Variants in GPC6 observed in about 807,000 individuals in gnomAD.
GPC6 encodes the protein glypican-6.
In GPC6, 14 loss-of-function variants were observed where a neutral mutation model predicts 55.2. The ratio of observed to expected loss-of-function variants is 0.25; its 90% CI spans 0.17 to 0.40. GPC6 has a LOEUF of 0.40. Ranked by LOEUF, GPC6 falls within the 10% of genes least tolerant of loss-of-function variation. The pLI is 1.00. For missense variants in GPC6, 641 were observed against 708.5 expected, an observed-to-expected ratio of 0.90 and a Z score of 1.08; for synonymous variants, 278 against 259.6, an observed-to-expected ratio of 1.07 and a Z score of -0.68.
intron 6 of GPC6, among the ~76,000 whole-genome samples, chr13:94,333,555 A>C (rs1877532994): frequency 6.6e-6 from 1 of 152,234 alleles, no homozygotes; most frequent in South Asian, 2.1e-4. Context: ...TTTCCTGAGA[A>C]CTTATGGCCA....
intron 1 of GPC6, among the ~76,000 whole-genome samples, chr13:93,291,831 G>T (rs1182046491): frequency 4.6e-5 from 7 of 152,070 alleles, no homozygotes; most frequent in African/African-American, 1.7e-4. Flanking sequence ...CATCCAGAGA[G>T]ATTTTAACTT....
intron 2 of GPC6, among the ~76,000 whole-genome samples, chr13:93,575,278 G>C (rs1189734078): frequency 6.6e-6 from 1 of 152,032 alleles, no homozygotes; most frequent in African/African-American, 2.4e-5. Context: ...GGTATAGAAC[G>C]ATACTCTGTC....
intron 4 of GPC6, among the ~76,000 whole-genome samples, chr13:94,251,476 A>AC (rs397954452): frequency 2.6e-5 from 4 of 151,176 alleles, no homozygotes; most frequent in African/African-American, 9.7e-5. Flanking sequence ...AAAAAAAAAA[A>AC]CACGGACTGG....
At chr13:94,262,319 G>T (rs972199105) in intron 4 of GPC6, among the ~76,000 whole-genome samples, 1 of 152,172 alleles carries the variant, frequency 6.6e-6, no homozygotes, top group Admixed American at 6.5e-5. Flanking sequence ...ACCTAGTTCA[G>T]TCAGAGCAAG....
chr13:94,281,724 C>T (rs1228387097), intron 4 of GPC6, among the ~76,000 whole-genome samples: 1 of 152,180 alleles, frequency 6.6e-6, no homozygotes. Context: ...AGACTTCACT[C>T]TTCATAAAGT....
chr13:94,161,137 C>G (rs567125805), intron 4 of GPC6, among the ~76,000 whole-genome samples: 1 of 152,278 alleles, frequency 6.6e-6, no homozygotes, highest in East Asian at 1.9e-4. Context: ...TGCAAATATT[C>G]TCACCTCTAC....
intron 2 of GPC6, among the ~76,000 whole-genome samples, chr13:93,619,003 C>T (rs1011694711): frequency 2.0e-5 from 3 of 152,066 alleles, no homozygotes; most frequent in Non-Finnish European, 4.4e-5. Flanking sequence ...TGTTACTGTA[C>T]TGAATACTGT....
At chr13:93,322,911 G>A (rs1385766992) in intron 1 of GPC6, among the ~76,000 whole-genome samples, 2 of 151,912 alleles carry the variant, frequency 1.3e-5, no homozygotes, top group Non-Finnish European at 2.9e-5. Flanking sequence ...TCTACATTAG[G>A]TATTTCTCCT....
intron 4 of GPC6, among the ~76,000 whole-genome samples, chr13:94,238,401 G>GA (rs1396934363): frequency 1.3e-5 from 2 of 152,098 alleles, no homozygotes; most frequent in African/African-American, 4.8e-5. Context: ...AGAAGCTGGA[G>GA]AAAAAAGTAG....
At chr13:93,496,125 T>C (rs368023817) in intron 1 of GPC6, among the ~76,000 whole-genome samples, 20 of 152,140 alleles carry the variant, frequency 1.3e-4, no homozygotes, top group Non-Finnish European at 2.4e-4. Flanking sequence ...CCCCCAGCCT[T>C]GCTGCCTCCT....
At chr13:93,231,337 ATATATATACATATATATATATAC>A (rs1566533211) in intron 1 of GPC6, among the ~76,000 whole-genome samples, 1,119 of 52,288 alleles carry the variant, frequency 0.021, 50 homozygotes, top group African/African-American at 0.087. Flanking sequence ...ATACGTATAT[ATATATATACATATATATATATAC>A]GTATATATAT....
intron 1 of GPC6, among the ~76,000 whole-genome samples, chr13:93,431,412 T>C (rs1441618113): frequency 1.3e-5 from 2 of 152,082 alleles, no homozygotes; most frequent in Non-Finnish European, 2.9e-5. Flanking sequence ...CTTTGAAACT[T>C]AAATAATTAA....
intron 7 of GPC6, among the ~76,000 whole-genome samples, chr13:94,386,376 A>C (rs887535271): frequency 6.6e-6 from 1 of 151,722 alleles, no homozygotes; most frequent in Admixed American, 6.6e-5. Flanking sequence ...AAAAAAAGAA[A>C]AGAAAAGAAA....
intron 2 of GPC6, among the ~76,000 whole-genome samples, chr13:93,673,537 C>G (rs1351415125): frequency 1.3e-5 from 2 of 151,978 alleles, no homozygotes; most frequent in Non-Finnish European, 2.9e-5. Flanking sequence ...TGTTCATGTT[C>G]CTTCTGGGAT....
At chr13:93,329,838 A>G (rs765144440) in intron 1 of GPC6, among the ~76,000 whole-genome samples, 1 of 150,148 alleles carries the variant, frequency 6.7e-6, no homozygotes, top group Non-Finnish European at 1.5e-5. Context: ...ATGAACAACA[A>G]TAACAAAAAA....
chr13:94,234,261 G>A (rs1259986962), intron 4 of GPC6, among the ~76,000 whole-genome samples: 1 of 152,068 alleles, frequency 6.6e-6, no homozygotes, highest in African/African-American at 2.4e-5. Flanking sequence ...GTGAGAAAAG[G>A]GTAAGGATGT....
chr13:94,394,283 G>A (rs944067348), intron 7 of GPC6, among the ~76,000 whole-genome samples: 18 of 152,288 alleles, frequency 1.2e-4, no homozygotes, highest in Middle Eastern at 3.4e-3. Context: ...AGGGCAAGCC[G>A]CATTGGCAAA....
chr13:94,252,061 C>T (rs1326370217), intron 4 of GPC6, among the ~76,000 whole-genome samples: 1 of 152,112 alleles, frequency 6.6e-6, no homozygotes, highest in Non-Finnish European at 1.5e-5. Context: ...AACTGTGGAA[C>T]TCCTGTCATT....
chr13:93,463,783 T>C (rs1406337148), intron 1 of GPC6, among the ~76,000 whole-genome samples: 1 of 151,966 alleles, frequency 6.6e-6, no homozygotes, highest in South Asian at 2.1e-4. Flanking sequence ...GACAGTTTTC[T>C]ATCTATCCTC....
Sources: allele counts gnomAD v4.1 joint callset (sites outside exome capture counted in the v4.1 genomes callset), GRCh38; gene constraint gnomAD v4.1.1; transcripts MANE v1.5; gene names NCBI Gene and HGNC (gene_info 2026-07-23, HGNC 2026-07-21).